GBP7: variants seen among roughly 807,000 people sequenced by gnomAD.
GBP7 encodes the protein guanylate-binding protein 7.
GBP7 carries 43 observed loss-of-function variants against 61.3 expected under a neutral mutation model. The ratio of observed to expected loss-of-function variants is 0.70; its 90% confidence interval spans 0.55 to 0.91. The LOEUF is 0.91. GBP7 is among the 40% of genes least tolerant of loss of function. The pLI is 0.00. For missense variants in GBP7, 717 were observed against 740.5 expected (o/e 0.97, Z 0.37); for synonymous variants, 267 against 271.0 (o/e 0.99, Z 0.14).
At chr1:89,137,926 C>T (rs1681843395) in intron 9 of GBP7, among the ~76,000 whole-genome samples, 1 of 152,030 alleles carries the variant, frequency 6.6e-6, no homozygotes, top group Non-Finnish European at 1.5e-5. Context: ...AAAGTCTCAT[C>T]CATCTGATAA....
chr1:89,155,181 C>A (rs183498128), intron 3 of GBP7, among the ~76,000 whole-genome samples: 87 of 152,304 alleles, frequency 5.7e-4, no homozygotes, highest in African/African-American at 2.0e-3. Flanking sequence ...AGGACATCCA[C>A]ACCAAAACCC....
Position 89,171,745 on chromosome 1 carries a change from C to T in GBP7, c.190+1G>A, listed in dbSNP as rs766866337. On this transcript the variant is annotated splice_donor_variant, in intron 2 of 10. Coordinates refer to ENST00000294671, the MANE Select transcript of GBP7 (RefSeq NM_207398.3). LOFTEE classifies it high-confidence loss of function. ...ATCCATGCTTTGCTGGTGCCACTCA[C>T]CTTTGTTCTTCCCAGCCAGCTTGTT... 3 of 1,612,134 alleles carry T rather than the reference C, an allele frequency of 1.9e-6. No individual in the cohort carries two copies. Among genetic ancestry groups the T allele is most frequent in the Non-Finnish European group, 2.5e-6 (3 of 1,179,360 alleles).
chr1:89,173,908 C>T (rs1647669581), intron 1 of GBP7, among the ~76,000 whole-genome samples: 1 of 152,176 alleles, frequency 6.6e-6, no homozygotes, highest in Non-Finnish European at 1.5e-5. Context: ...CTACCACATT[C>T]CCACCCATCC....
In GBP7 at chr1:89,152,351, C is replaced by T. The variant is rs141756411; in HGVS notation, c.542G>A (p.Arg181Gln). The T allele has an allele frequency of 2.8e-5, 45 of 1,613,950 alleles. No individual in the cohort carries two copies. The African/African-American group carries it at 4.4e-4, about 16-fold the overall frequency. Residue 181 changes from arginine (R) to glutamine (Q), a missense_variant, in exon 5 of 11, where the codon CGA becomes CAA. By Grantham distance (43) the Arg-to-Gln change is conservative. Around this residue, in one of 3 missense-constraint regions of GBP7, gnomAD observed 387 missense variants for 385.2 expected, o/e 1.00. Coordinates refer to ENST00000294671, the MANE Select transcript of GBP7 (RefSeq NM_207398.3). ...SFFPDFIWTV[R>Q]DFTLELKLDG... ...TAACTTCAGCTCCAGGGTAAAATCTCGAACAGTCCAAATAAAGTCTGGAAA... is the reference window on the plus strand; with the variant it reads ...TAACTTCAGCTCCAGGGTAAAATCTTGAACAGTCCAAATAAAGTCTGGAAA...
chr1:89,150,312 A>G lies in GBP7; in HGVS notation c.871+18T>C. ...ACAGTAGGCCTCAGTAAACACCCAT[A>G]TAGGGAAATAGACTCACGGTTTCCA... On this transcript the variant is annotated intron_variant, in intron 6 of 10. Coordinates refer to ENST00000294671, the MANE Select transcript of GBP7 (RefSeq NM_207398.3). 6.2e-7 allele frequency: 1 copy of G among 1,609,656 alleles called. No individual in the cohort carries two copies. The highest frequency in any genetic ancestry group is 8.5e-7 in the Non-Finnish European group (1 of 1,176,232).
chr1:89,171,321 C>T (rs551909644), intron 2 of GBP7, among the ~76,000 whole-genome samples: 5 of 152,118 alleles, frequency 3.3e-5, no homozygotes, highest in African/African-American at 1.2e-4. Flanking sequence ...ACACTGAGCC[C>T]CTGACACTGG....
rs764704107 is a variant in GBP7 at position 89,152,282 on chromosome 1, A to C, written c.611T>G (p.Leu204Trp). ...ITEDEYLENALKLISGKNPQI... is the reference protein window; with the variant it reads ...ITEDEYLENAWKLISGKNPQI... ...TGCTCTGATACCTGAAATCAGCTTCAAGGCATTCTCCAGGTACTCATCTTC... is the reference window on the plus strand; with the variant it reads ...TGCTCTGATACCTGAAATCAGCTTCCAGGCATTCTCCAGGTACTCATCTTC... Residue 204 changes from leucine to tryptophan, a missense_variant, in exon 5 of 11, where the codon TTG (leucine) becomes TGG (tryptophan). Around this residue, in one of 3 missense-constraint regions of GBP7, gnomAD observed 387 missense variants for 385.2 expected, o/e 1.00. Coordinates refer to ENST00000294671, the MANE Select transcript of GBP7 (RefSeq NM_207398.3). The C allele has an allele frequency of 1.9e-5, 30 of 1,613,882 alleles. No homozygotes were observed. The South Asian group carries it at 3.2e-4, about 17-fold the overall frequency.
At position 89,142,081 on chromosome 1, in the gene GBP7, A is replaced by ATTATTTATTTATTTATTTATTTATTTAT. The variant is rs748450323; in HGVS notation, c.1366-434_1366-433insATAAATAAATAAATAAATAAATAAATAA. Reference sequence around the variant, plus strand: ...CCTCACTGGAAGCTTTTCTAGGCTAATTATTTATTTATTTATTTACTTTTG... The same window carrying ATTATTTATTTATTTATTTATTTATTTAT: ...CCTCACTGGAAGCTTTTCTAGGCTAATTATTTATTTATTTATTTATTTATTTATTTATTTATTTATTTATTTACTTTTG... On this transcript the variant is annotated intron_variant, in intron 8 of 10. Coordinates refer to ENST00000294671, the MANE Select transcript of GBP7 (RefSeq NM_207398.3). 7.9e-5 allele frequency among the ~76,000 whole-genome samples: 12 copies of ATTATTTATTTATTTATTTATTTATTTAT among 152,306 alleles called. 1 individual carries two copies. The highest frequency in any genetic ancestry group is 7.2e-5 in the African/African-American group (3 of 41,574).
chr1:89,167,044 A>C (rs532986437), intron 2 of GBP7, among the ~76,000 whole-genome samples: 2 of 152,356 alleles, frequency 1.3e-5, no homozygotes, highest in Admixed American at 1.3e-4. Flanking sequence ...TTTGGTATGC[A>C]TATGGTCCCC....
At chr1:89,151,172 T>G (rs1682188529) in intron 5 of GBP7, among the ~76,000 whole-genome samples, 2 of 152,162 alleles carry the variant, frequency 1.3e-5, no homozygotes, top group African/African-American at 4.8e-5. Flanking sequence ...CCTATATAAC[T>G]TCAAGTTTGT....
At chr1:89,170,145 T>G (rs546175556) in intron 2 of GBP7, among the ~76,000 whole-genome samples, 88 of 152,334 alleles carry the variant, frequency 5.8e-4, no homozygotes, top group African/African-American at 2.0e-3. Context: ...TGCTAAATAA[T>G]AGAATCACTA....
intron 2 of GBP7, 60 bp from the exon 3 acceptor site, chr1:89,164,918 A>G: frequency 1.3e-6 from 2 of 1,567,368 alleles, no homozygotes; most frequent in South Asian, 1.1e-5. Context: ...GACAAGGCCT[A>G]TACCAGTTAA....
intron 5 of GBP7, among the ~76,000 whole-genome samples, 187 bp from the exon 6 acceptor site, chr1:89,150,762 G>T (rs1682178529): frequency 6.6e-6 from 1 of 152,084 alleles, no homozygotes; most frequent in South Asian, 2.1e-4. Flanking sequence ...GTCAATTTCT[G>T]CACAAAGCAG....
At chr1:89,167,863 G>A (rs1194096560) in intron 2 of GBP7, among the ~76,000 whole-genome samples, 1 of 152,160 alleles carries the variant, frequency 6.6e-6, no homozygotes, top group African/African-American at 2.4e-5. Context: ...CAGATTCATA[G>A]GATTTTATTT....
intron 9 of GBP7, among the ~76,000 whole-genome samples, chr1:89,137,735 C>T (rs1681840237): frequency 6.6e-6 from 1 of 151,830 alleles, no homozygotes; most frequent in Admixed American, 6.6e-5. Flanking sequence ...ACTTGAGAAC[C>T]AAAAACAGAC....
At chr1:89,174,171 A>G (rs1349709898) in intron 1 of GBP7, among the ~76,000 whole-genome samples, 1 of 152,178 alleles carries the variant, frequency 6.6e-6, no homozygotes, top group Non-Finnish European at 1.5e-5. Flanking sequence ...ATTGTTTCAA[A>G]TATTTTGCAA....
chr1:89,160,288 C>G (rs1682410111), intron 3 of GBP7, among the ~76,000 whole-genome samples: 1 of 152,030 alleles, frequency 6.6e-6, no homozygotes, highest in East Asian at 1.9e-4. Flanking sequence ...TGCAGCACAC[C>G]AACATGGCAC....
rs371476371 is a variant in GBP7 at position 89,175,529 on chromosome 1, G to C, written c.-20+392C>G. On this transcript the variant is annotated intron_variant, in intron 1 of 10. Transcript: ENST00000294671. ...TGGCACAAAGATGTTATAAGGTCCT[G>C]GATTATAATAATGTGTTGCCTCTTT... 3.7e-4 allele frequency among the ~76,000 whole-genome samples: 56 copies of C among 152,268 alleles called. 6 individuals carry two copies. The highest frequency in any genetic ancestry group is 9.2e-4 in the Admixed American group (14 of 15,294).
rs1237300681 is a variant in GBP7 at position 89,150,314 on chromosome 1, A to C, written c.871+16T>G. On this transcript the variant is annotated intron_variant, in intron 6 of 10. Coordinates refer to ENST00000294671, the MANE Select transcript of GBP7 (RefSeq NM_207398.3). ...AGTAGGCCTCAGTAAACACCCATATAGGGAAATAGACTCACGGTTTCCAGT... is the reference window on the plus strand; with the variant it reads ...AGTAGGCCTCAGTAAACACCCATATCGGGAAATAGACTCACGGTTTCCAGT... 6.2e-7 allele frequency: 1 copy of C among 1,609,912 alleles called. No individual in the cohort carries two copies. Among genetic ancestry groups the C allele is most frequent in the Non-Finnish European group, 8.5e-7 (1 of 1,176,414 alleles).
Sources: gnomAD v4.1 joint callset for allele counts (sites outside exome capture counted in the v4.1 genomes callset) on GRCh38, gnomAD v4.1.1 for gene constraint, gnomAD v4.1.1 regional missense constraint, MANE v1.5 for transcripts, NCBI Gene and HGNC (gene_info 2026-07-23, HGNC 2026-07-21) for gene names.